Variants in FCGRT observed in about 807,000 individuals in gnomAD.
FCGRT encodes the protein IgG receptor FcRn large subunit p51.
Under a neutral mutation model 35.7 loss-of-function variants are expected in FCGRT, and 13 were observed. The ratio of observed to expected loss-of-function variants is 0.36; its 90% CI spans 0.24 to 0.58. The LOEUF is 0.58. Ranked by LOEUF, FCGRT falls within the 20% of genes least tolerant of loss-of-function variation. FCGRT has a pLI of 0.77. For synonymous variants in FCGRT, 233 were observed against 216.5 expected (o/e 1.08, Z -0.67); for missense variants, 455 against 474.9 (o/e 0.96, Z 0.39).
chr19:49,512,970 G>A (rs1437553726), intron 1 of FCGRT, among the ~76,000 whole-genome samples: 12 of 136,702 alleles, frequency 8.8e-5, no homozygotes, highest in African/African-American at 2.9e-4. Flanking sequence ...GTCCGAGGGA[G>A]GAGGGGTTGG....
chr19:49,522,770 C>CT (rs746958247), intron 4 of FCGRT, among the ~76,000 whole-genome samples: 3,013 of 66,630 alleles, frequency 0.045, 354 homozygotes, highest in South Asian at 0.063. Context: ...CTTAAGCTCT[C>CT]TTTTTTTTTT....
chr19:49,524,636 C>G lies in FCGRT; in HGVS notation c.731C>G (p.Thr244Ser), dbSNP rs781510967. Residue 244 changes from threonine to serine, a missense_variant, in exon 5 of 7, where the codon ACC (threonine) becomes AGC (serine). Around this residue, in one of 3 missense-constraint regions of FCGRT, gnomAD observed 312 missense variants for 296.1 expected, o/e 1.05. Coordinates refer to ENST00000221466, the MANE Select transcript of FCGRT (RefSeq NM_001136019.3). ...CTGCGGAATGGGCTGGCCGCTGGCA[C>G]CGGCCAGGGTGACTTCGGCCCCAAC... The part of the protein sequence containing the change: ...RFLRNGLAAG[T>S]GQGDFGPNSD... 1 of 1,609,178 alleles carries G rather than the reference C, an allele frequency of 6.2e-7. No homozygotes were observed. Among genetic ancestry groups the G allele is most frequent in the East Asian group, 2.2e-5 (1 of 44,874 alleles).
chr19:49,524,559 G>A lies in FCGRT; in HGVS notation c.654G>A (p.Val218=), dbSNP rs2080061603. 2 of 1,613,078 alleles carry A rather than the reference G, an allele frequency of 1.2e-6. No individual in the cohort carries two copies. The highest frequency in any genetic ancestry group is 1.7e-6 in the Non-Finnish European group (2 of 1,179,802). ...GACCCAGCAGCCCTGGCTTTTCCGT[G>A]CTTACCTGCAGCGCCTTCTCCTTCT... ...KARPSSPGFS[V]LTCSAFSFYP... Residue 218 remains valine, a synonymous_variant, in exon 5 of 7, where the codon GTG becomes GTA. Coordinates refer to ENST00000221466, the MANE Select transcript of FCGRT (RefSeq NM_001136019.3).
At chr19:49,515,833 G>A (rs573737069) in intron 4 of FCGRT, among the ~76,000 whole-genome samples, 124 of 152,150 alleles carry the variant, frequency 8.1e-4, no homozygotes, top group Admixed American at 1.6e-3. Flanking sequence ...CCTCCCTCTG[G>A]GCATTTGCTC....
At chr19:49,519,510 G>T (rs1210907591) in intron 4 of FCGRT, among the ~76,000 whole-genome samples, 3 of 152,082 alleles carry the variant, frequency 2.0e-5, no homozygotes, top group Non-Finnish European at 4.4e-5. Flanking sequence ...GTGGTTTGAA[G>T]AAAGTCAGTT....
At chr19:49,513,360 G>GGGGGGGGGGC in intron 1 of FCGRT, 27 bp from the exon 2 acceptor site, 1 of 1,017,274 alleles carries the variant, frequency 9.8e-7, no homozygotes, top group Non-Finnish European at 1.3e-6. Context: ...GGGGTCGGGA[G>GGGGGGGGGGC]GAGTCACGTG....
In FCGRT at chr19:49,524,579, CCTT is replaced by C; in HGVS notation, c.677_679del (p.Phe226del). 1 of 1,613,010 alleles carries C rather than the reference CCTT, an allele frequency of 6.2e-7. No individual in the cohort carries two copies. Among genetic ancestry groups the C allele is most frequent in the Non-Finnish European group, 8.5e-7 (1 of 1,180,024 alleles). On this transcript the variant is annotated inframe_deletion, in exon 5 of 7. Coordinates refer to ENST00000221466, the MANE Select transcript of FCGRT (RefSeq NM_001136019.3). ...TCCGTGCTTACCTGCAGCGCCTTCT[CCTT>C]CTACCCTCCGGAGCTGCAACTTCGG...
chr19:49,525,626 G>A (rs2080070689), intron 6 of FCGRT, 53 bp downstream of exon 6: 12 of 1,281,690 alleles, frequency 9.4e-6, no homozygotes, highest in Admixed American at 1.8e-5. Flanking sequence ...GACCCCAAGA[G>A]AGGGGCACAC....
intron 4 of FCGRT, among the ~76,000 whole-genome samples, chr19:49,514,934 C>A (rs564477851): frequency 2.2e-4 from 33 of 151,792 alleles, no homozygotes; most frequent in Admixed American, 2.0e-3. Context: ...TCAGGTGATC[C>A]GCCCACCTCA....
At chr19:49,517,383 C>T (rs113063286) in intron 4 of FCGRT, among the ~76,000 whole-genome samples, 1,884 of 151,696 alleles carry the variant, frequency 0.012, 42 homozygotes, top group African/African-American at 0.042. Context: ...TCCAGCTATT[C>T]GGGAGGCTGA....
intron 4 of FCGRT, among the ~76,000 whole-genome samples, chr19:49,516,438 A>T (rs1029619757): frequency 2.1e-5 from 3 of 145,942 alleles, no homozygotes; most frequent in Non-Finnish European, 4.5e-5. Flanking sequence ...TTTTTAGTAA[A>T]GACAGGGTTT....
At position 49,514,417 on chromosome 19, in the gene FCGRT, C is replaced by T. The variant is rs1050951160; in HGVS notation, c.532C>T (p.Leu178=). The T allele has an allele frequency of 3.1e-6, 5 of 1,600,272 alleles. No individual in the cohort carries two copies. Among genetic ancestry groups the T allele is most frequent in the Middle Eastern group, 1.7e-4 (1 of 5,892 alleles). ...GGCGGCCAACAAGGAGCTCACCTTC[C>T]TGCTATTCTCCTGCCCGCACCGCCT... ...DKAANKELTF[L]LFSCPHRLRE... is the part of the protein sequence containing the mutation. Residue 178 remains leucine, a synonymous_variant, in exon 4 of 7, where the codon CTG becomes TTG. Transcript: ENST00000221466.
Position 49,525,476 on chromosome 19 carries a change from C to T in FCGRT, c.891C>T (p.Ser297=), listed in dbSNP as rs1392968871. The change falls in exon 6 of 7, where the codon TCC becomes TCT. Residue 297 remains serine (S), a synonymous_variant. Transcript: ENST00000221466. ...RVELESPAKS[S]VLVVGIVIGV... Reference sequence around the variant, plus strand: ...CTGCAGAATCTCCAGCCAAGTCCTCCGTGCTCGTGGTGGGAATCGTCATCG... The same window carrying T: ...CTGCAGAATCTCCAGCCAAGTCCTCTGTGCTCGTGGTGGGAATCGTCATCG... The T allele has an allele frequency of 8.1e-6, 13 of 1,613,562 alleles. No homozygotes were observed. Among genetic ancestry groups the T allele is most frequent in the African/African-American group, 2.7e-5 (2 of 74,902 alleles).
At chr19:49,513,525 GC>G in intron 2 of FCGRT, 52 bp downstream of exon 2, 2 of 1,113,800 alleles carry the variant, frequency 1.8e-6, no homozygotes, top group Non-Finnish European at 2.3e-6. Context: ...GCGGGAGGCG[GC>G]CCCAGGCAGG....
At chr19:49,519,809 A>G (rs972659447) in intron 4 of FCGRT, among the ~76,000 whole-genome samples, 3 of 149,372 alleles carry the variant, frequency 2.0e-5, no homozygotes, top group African/African-American at 7.4e-5. Flanking sequence ...GCGGATAGCA[A>G]TGGCCATTGC....
intron 5 of FCGRT, 60 bp downstream of exon 5, chr19:49,524,836 C>T (rs1398261218): frequency 4.7e-6 from 7 of 1,497,430 alleles, no homozygotes; most frequent in African/African-American, 1.4e-5. Flanking sequence ...CACTGCTGCG[C>T]CGGTCCTTCC....
In FCGRT at chr19:49,520,130, C is replaced by CTTTTTTTTTT. The variant is rs952631701; in HGVS notation, c.602-4368_602-4359dup. 1.1e-4 allele frequency among the ~76,000 whole-genome samples: 11 copies of CTTTTTTTTTT among 99,516 alleles called. 1 individual carries two copies. The highest frequency in any genetic ancestry group is 2.8e-4 in the African/African-American group (7 of 24,682). 65.3% of individuals were successfully genotyped at this position (99,516 alleles called of 152,430 possible). A position where few individuals can be genotyped will look rare whatever the true frequency, so the allele number is the denominator to read the frequency against. On this transcript the variant is annotated intron_variant, in intron 4 of 6. Coordinates refer to ENST00000221466, the MANE Select transcript of FCGRT (RefSeq NM_001136019.3). Reference sequence around the variant, plus strand: ...ACAGGCGTGAGCCACCGCGCCCGGGCTTTTTTTTTTTTTTTTTTGAGAGGG... The same window carrying CTTTTTTTTTT: ...ACAGGCGTGAGCCACCGCGCCCGGGCTTTTTTTTTTTTTTTTTTTTTTTTTTTTGAGAGGG...
chr19:49,514,255 G>A lies in FCGRT; in HGVS notation c.370G>A (p.Asp124Asn), dbSNP rs1027136550. 10 of 1,610,700 alleles carry A rather than the reference G, an allele frequency of 6.2e-6. No individual in the cohort carries two copies. The highest frequency in any genetic ancestry group is 5.9e-6 in the Non-Finnish European group (7 of 1,178,748). The change falls in exon 4 of 7, where the codon GAC becomes AAC. Residue 124 changes from aspartate to asparagine, a missense_variant. By Grantham distance (23) the Asp-to-Asn change is conservative. Around this residue, in one of 3 missense-constraint regions of FCGRT, gnomAD observed 136 missense variants for 158.9 expected, o/e 0.86. Coordinates refer to ENST00000221466, the MANE Select transcript of FCGRT (RefSeq NM_001136019.3). ...CCTGCTGGGCTGTGAACTGGGCCCT[G>A]ACAACACCTCGGTGCCCACCGCCAA... ...QGLLGCELGPDNTSVPTAKFA... is the reference protein window; with the variant it reads ...QGLLGCELGPNNTSVPTAKFA...
At chr19:49,523,067 G>A (rs1057185906) in intron 4 of FCGRT, among the ~76,000 whole-genome samples, 6 of 151,692 alleles carry the variant, frequency 4.0e-5, no homozygotes, top group East Asian at 2.0e-4. Flanking sequence ...GTGAGCCACC[G>A]CGCCTGGCCA....
Sources: allele counts gnomAD v4.1 joint callset (sites outside exome capture counted in the v4.1 genomes callset), GRCh38; gene constraint gnomAD v4.1.1; regional missense constraint gnomAD v4.1.1; transcripts MANE v1.5; gene names NCBI Gene and HGNC (gene_info 2026-07-23, HGNC 2026-07-21).